Variants in CLYBL observed in about 807,000 individuals in gnomAD.
CLYBL encodes citramalyl-CoA lyase.
A neutral mutation model predicts 38.9 loss-of-function variants in CLYBL; 31 were observed. The ratio of observed to expected loss-of-function variants is 0.80; its 90% CI spans 0.60 to 1.08. The LOEUF (loss-of-function observed/expected upper bound fraction) is 1.08. Ranked by LOEUF, CLYBL falls within the 50% of genes least tolerant of loss-of-function variation. The probability of loss-of-function intolerance (pLI) is 0.00; values close to 1 mark genes in which losing one functional copy is unlikely to be tolerated. For synonymous variants in CLYBL, 171 were observed against 158.6 expected (o/e 1.08, Z -0.59); for missense variants, 434 against 411.6 (o/e 1.05, Z -0.47).
At chr13:99,786,855 C>T (rs1320731497) in intron 2 of CLYBL, among the ~76,000 whole-genome samples, 1 of 152,016 alleles carries the variant, frequency 6.6e-6, no homozygotes, top group African/African-American at 2.4e-5. Flanking sequence ...TCTCCACATC[C>T]TCTCCAGCAC....
At chr13:99,705,300 A>G (rs1364101971) in intron 1 of CLYBL, among the ~76,000 whole-genome samples, 2 of 152,082 alleles carry the variant, frequency 1.3e-5, no homozygotes, top group Non-Finnish European at 2.9e-5. Flanking sequence ...ATGAAATTCT[A>G]CCAGTCACGG....
In CLYBL at chr13:99,664,010, TTC is replaced by T. The variant is rs199716937; in HGVS notation, c.62+57259_62+57260del. 5.9e-5 allele frequency among the ~76,000 whole-genome samples: 9 copies of T among 152,250 alleles called. No individual in the cohort carries two copies. The East Asian group carries it at 1.5e-3, about 26-fold the overall frequency. ...ATAGCATTTATCTTTCAAGAGTTCT[TTC>T]TCTCTTTTTGTGATTATTTTATAAA... is the stretch of plus-strand genomic sequence containing the variant. On this transcript the variant is annotated intron_variant, in intron 1 of 8. Transcript: ENST00000339105.
chr13:99,785,520 G>T (rs1254209692), intron 2 of CLYBL, among the ~76,000 whole-genome samples: 1 of 151,246 alleles, frequency 6.6e-6, no homozygotes, highest in African/African-American at 2.4e-5. Context: ...AACCATTATT[G>T]TTTCCCCCTT....
chr13:99,817,500 A>G (rs1483300097), intron 2 of CLYBL, among the ~76,000 whole-genome samples: 1 of 151,902 alleles, frequency 6.6e-6, no homozygotes, highest in African/African-American at 2.4e-5. Flanking sequence ...CTAAAAATAC[A>G]AAAACTTAGC....
intron 7 of CLYBL, among the ~76,000 whole-genome samples, chr13:99,887,383 G>T (rs910097280): frequency 6.6e-6 from 1 of 152,152 alleles, no homozygotes; most frequent in Non-Finnish European, 1.5e-5. Context: ...TAACTGCAGG[G>T]CTAAGTTGCA....
At chr13:99,817,384 T>C (rs997167752) in intron 2 of CLYBL, among the ~76,000 whole-genome samples, 2 of 151,752 alleles carry the variant, frequency 1.3e-5, no homozygotes, top group Admixed American at 6.6e-5. Context: ...ACTGGCCGGG[T>C]GCAGTGGCTC....
chr13:99,818,446 A>AACACACACAC (rs57249330), intron 2 of CLYBL, among the ~76,000 whole-genome samples: 8,104 of 143,208 alleles, frequency 0.057, 328 homozygotes, highest in African/African-American at 0.1. Flanking sequence ...TGGAGCAGAA[A>AACACACACAC]ACACACACAC....
chr13:99,628,031 T>C (rs2046893550), intron 1 of CLYBL, among the ~76,000 whole-genome samples: 1 of 152,176 alleles, frequency 6.6e-6, no homozygotes, highest in Non-Finnish European at 1.5e-5. Context: ...AATGCAGAGG[T>C]ACTAAAACGT....
Position 99,775,184 on chromosome 13 carries a change from A to G in CLYBL, c.249+2174A>G, listed in dbSNP as rs574160366. 3.5e-4 allele frequency among the ~76,000 whole-genome samples: 53 copies of G among 152,290 alleles called. 1 individual carries two copies. The highest frequency in any genetic ancestry group is 2.6e-3 in the Admixed American group (39 of 15,292). On this transcript the variant is annotated intron_variant, in intron 2 of 8. Transcript: ENST00000339105. ...AAACTTCTAATTATAGTTCTTCACA[A>G]ATCTTGAGGTTGTCCTCCAATACCC...
intron 1 of CLYBL, among the ~76,000 whole-genome samples, chr13:99,688,167 A>G (rs1427178917): frequency 6.6e-6 from 1 of 152,162 alleles, no homozygotes; most frequent in African/African-American, 2.4e-5. Flanking sequence ...GAAAACCTAG[A>G]AACCACACAC....
intron 6 of CLYBL, among the ~76,000 whole-genome samples, chr13:99,868,581 T>C (rs2051808916): frequency 6.6e-6 from 1 of 152,218 alleles, no homozygotes; most frequent in African/African-American, 2.4e-5. Context: ...CCTTTACTTT[T>C]AAAAATGATA....
chr13:99,877,740 A>G (rs778661201), intron 7 of CLYBL: 1 of 237,906 alleles, frequency 4.2e-6, no homozygotes, highest in African/African-American at 2.4e-5. Context: ...TGCCTGGCTA[A>G]TTTTTGTATT....
intron 2 of CLYBL, among the ~76,000 whole-genome samples, chr13:99,779,769 AGTTTTTT>A (rs911240516): frequency 6.6e-6 from 1 of 151,998 alleles, no homozygotes; most frequent in Non-Finnish European, 1.5e-5. Flanking sequence ...AGTGTAGGAG[AGTTTTTT>A]GTTTTTTGTT....
At chr13:99,786,647 C>A (rs547177116) in intron 2 of CLYBL, among the ~76,000 whole-genome samples, 8 of 152,132 alleles carry the variant, frequency 5.3e-5, no homozygotes, top group Non-Finnish European at 7.4e-5. Flanking sequence ...TGCTATTGTG[C>A]ATAGTGCCAC....
chr13:99,775,279 T>C (rs9585216), intron 2 of CLYBL, among the ~76,000 whole-genome samples: 3,877 of 152,280 alleles, frequency 0.025, 171 homozygotes, highest in African/African-American at 0.087. Context: ...ATTTCCTTAT[T>C]GTTTATCTGG....
rs976885966 is a variant in CLYBL, at chr13:99,719,503, A to T, written c.63-53321A>T. Among the ~76,000 whole-genome samples the T allele has an allele frequency of 5.3e-5, 8 of 150,656 alleles. No homozygotes were observed. In the East Asian group the frequency reaches 7.9e-4, roughly 15 times the overall value. The stretch of plus-strand genomic sequence containing the variant: ...AGAAACAAAACAGGCATCACCTGAC[A>T]ATATATATATATATTTTTTGGAGAC... On this transcript the variant is annotated intron_variant, in intron 1 of 8. Coordinates refer to ENST00000339105, the MANE Select transcript of CLYBL (RefSeq NM_206808.5).
At chr13:99,614,264 T>G (rs1233908295) in intron 1 of CLYBL, among the ~76,000 whole-genome samples, 1 of 152,150 alleles carries the variant, frequency 6.6e-6, no homozygotes, top group Non-Finnish European at 1.5e-5. Flanking sequence ...GCCTCCATTC[T>G]AGAACCGAGA....
intron 2 of CLYBL, among the ~76,000 whole-genome samples, chr13:99,810,887 CT>C (rs1459516150): frequency 1.3e-5 from 2 of 152,236 alleles, no homozygotes; most frequent in African/African-American, 4.8e-5. Context: ...GGTTCTTTTT[CT>C]TAGAAGACCA....
At chr13:99,738,806 G>A (rs1253981412) in intron 1 of CLYBL, among the ~76,000 whole-genome samples, 1 of 152,122 alleles carries the variant, frequency 6.6e-6, no homozygotes, top group Non-Finnish European at 1.5e-5. Flanking sequence ...AAATGAGAAT[G>A]GGGGCAGTTG....
Sources: allele counts gnomAD v4.1 joint callset (sites outside exome capture counted in the v4.1 genomes callset), GRCh38; gene constraint gnomAD v4.1.1; transcripts MANE v1.5; gene names NCBI Gene and HGNC (gene_info 2026-07-23, HGNC 2026-07-21).